Variants in NPC1L1 observed in about 807,000 individuals in gnomAD.
NPC1L1 encodes the protein NPC1 like intracellular cholesterol transporter 1.
A neutral mutation model predicts 117.0 loss-of-function variants in NPC1L1; 98 were observed. The observed-to-expected ratio is 0.84, with a 90% CI of 0.71 to 0.99. The LOEUF is 0.99. NPC1L1 is among the 50% of genes least tolerant of loss of function. NPC1L1 has a pLI of 0.00. For synonymous variants in NPC1L1, 729 were observed against 727.6 expected, an observed-to-expected ratio of 1.00 and a Z score of -0.03; for missense variants, 1,540 against 1,710.0, an observed-to-expected ratio of 0.90 and a Z score of 1.75.
rs1332693762 is a variant in NPC1L1, at chr7:44,534,805, T to A, written c.1984-176A>T. Among the ~76,000 whole-genome samples, 1 of 152,096 alleles carries A rather than the reference T, an allele frequency of 6.6e-6. No homozygotes were observed. The highest frequency in any genetic ancestry group is 1.9e-4 in the East Asian group (1 of 5,180). On this transcript the variant is annotated intron_variant, in intron 5 of 18. Coordinates refer to ENST00000381160, the MANE Select transcript of NPC1L1 (RefSeq NM_001101648.2). The surrounding 1 kb of genome is among the most constrained non-coding windows in gnomAD (Gnocchi z 5.2). ...ACATTAAAGCCCCTCTGCAGAGCCA[T>A]CCTCCCAAGGGGAGGTCCAGGAAAC...
At chr7:44,522,274 T>C (rs768307330) in intron 10 of NPC1L1, 32 bp from the exon 11 acceptor site, 20 of 1,595,904 alleles carry the variant, frequency 1.3e-5, no homozygotes, top group Non-Finnish European at 1.7e-5. Flanking sequence ...TGAGCTTTGG[T>C]TCGCTATGCA....
chr7:44,517,121 C>G, intron 15 of NPC1L1, 86 bp downstream of exon 15: 1 of 1,579,874 alleles, frequency 6.3e-7, no homozygotes, highest in Non-Finnish European at 8.7e-7. Flanking sequence ...TCATCTCATG[C>G]AACTCCTTGC....
chr7:44,516,006 A>G (rs774734220), intron 17 of NPC1L1, 41 bp from the exon 18 acceptor site: 1 of 1,570,386 alleles, frequency 6.4e-7, no homozygotes, highest in Non-Finnish European at 8.7e-7. Context: ...GGCACAGGGC[A>G]TCAGGCAGGG....
In NPC1L1 at chr7:44,531,815, C is replaced by A; in HGVS notation, c.2577G>T (p.Val859=). ...TGATGTGGCACATGGAGTAGAGGCTCACTCCGAACAGGGCGAGAAACAGCA... is the reference window on the plus strand; with the variant it reads ...TGATGTGGCACATGGAGTAGAGGCTAACTCCGAACAGGGCGAGAAACAGCA... ...VLLLFLALFG[V]SLYSMCHISV... is the part of the protein sequence containing the mutation. The change falls in exon 10 of 19, where the codon GTG becomes GTT. Residue 859 remains valine, a synonymous_variant. Coordinates refer to ENST00000381160, the MANE Select transcript of NPC1L1 (RefSeq NM_001101648.2). The A allele has an allele frequency of 1.9e-6, 3 of 1,589,026 alleles. No homozygotes were observed. Among genetic ancestry groups the A allele is most frequent in the East Asian group, 2.3e-5 (1 of 44,064 alleles).
chr7:44,516,614 G>A, intron 16 of NPC1L1, 89 bp downstream of exon 16: 1 of 1,109,688 alleles, frequency 9.0e-7, no homozygotes, highest in Non-Finnish European at 1.3e-6. Context: ...TCTAAAAAAA[G>A]AAACAAAAAA....
rs764090625 is a variant in NPC1L1, at chr7:44,539,788, G to A, written c.609C>T (p.Leu203=). The change falls in exon 2 of 19, where the codon CTC becomes CTT. Residue 203 remains leucine, a synonymous_variant. Transcript: ENST00000381160. This position sits in a 1 kb window ranked among gnomAD's most constrained non-coding sequence, Gnocchi z 4.4. ...GSALCNAQRW[L]NFQGDTGNGL... ...CATTGCCTGTGTCTCCCTGGAAGTT[G>A]AGCCAGCGCTGGGCATTGCAAAGGG... 5 of 1,614,074 alleles carry A rather than the reference G, an allele frequency of 3.1e-6. No individual in the cohort carries two copies. Among genetic ancestry groups the A allele is most frequent in the African/African-American group, 2.7e-5 (2 of 74,948 alleles).
chr7:44,535,794 G>A, intron 5 of NPC1L1, 46 bp downstream of exon 5: 1 of 1,611,102 alleles, frequency 6.2e-7, no homozygotes, highest in Non-Finnish European at 8.5e-7. Flanking sequence ...GAAGATGCCT[G>A]GGGTCCTGGG....
In NPC1L1 at chr7:44,512,545, C is replaced by A. The variant is rs1453782287; in HGVS notation, c.*902G>T. 1 of 152,262 alleles carries A rather than the reference C, an allele frequency of 6.6e-6. No homozygotes were observed. The highest frequency in any genetic ancestry group is 1.9e-4 in the East Asian group (1 of 5,200). The allele number at this position is 152,262 out of a possible 1,614,324, so 9.4% of individuals were successfully genotyped here. ...TGACATAAAACACCATTTCTGCCAA[C>A]AAATGTTTATTAAACACCTATGTGC... On this transcript the variant is annotated 3_prime_UTR_variant, in exon 19 of 19. Transcript: ENST00000381160.
Position 44,536,308 on chromosome 7 carries a change from C to G in NPC1L1, c.1802G>C (p.Arg601Pro), listed in dbSNP as rs767641944. Residue 601 changes from arginine (R) to proline (P), a missense_variant, in exon 4 of 19, where the codon CGA becomes CCA. Coordinates refer to ENST00000381160, the MANE Select transcript of NPC1L1 (RefSeq NM_001101648.2). This position sits in a 1 kb window ranked among gnomAD's most constrained non-coding sequence, Gnocchi z 4.7. ...LWEEAFLEEM[R>P]AFQRRMAGMF... ...GCCAGCCATCCGACGCTGGAAGGCTCGCATTTCCTCTAAGAAGGCCTCCTC... is the reference window on the plus strand; with the variant it reads ...GCCAGCCATCCGACGCTGGAAGGCTGGCATTTCCTCTAAGAAGGCCTCCTC... 3.1e-6 allele frequency: 5 copies of G among 1,614,232 alleles called. No individual in the cohort carries two copies. The Admixed American group carries it at 5.0e-5, about 16-fold the overall frequency.
At position 44,540,243 on chromosome 7, in the gene NPC1L1, G is replaced by C. The variant is rs1562573502; in HGVS notation, c.154C>G (p.Leu52Val). Residue 52 changes from leucine to valine, a missense_variant, in exon 2 of 19, where the codon CTC becomes GTC. Physicochemically the swap from Leu to Val is conservative, Grantham distance 32. Around this residue, in one of 3 missense-constraint regions of NPC1L1, gnomAD observed 793 missense variants for 820.4 expected, o/e 0.97. Coordinates refer to ENST00000381160, the MANE Select transcript of NPC1L1 (RefSeq NM_001101648.2). Reference protein sequence around the residue: ...NPELSGSLMTLSNVSCLSNTP... With the variant: ...NPELSGSLMTVSNVSCLSNTP... ...TTGGACAGGCAGGACACGTTGGAGA[G>C]TGTCATGAGGCTTCCAGACAGCTCT... The C allele has an allele frequency of 1.2e-6, 2 of 1,614,134 alleles. No homozygotes were observed. Among genetic ancestry groups the C allele is most frequent in the Non-Finnish European group, 8.5e-7 (1 of 1,180,038 alleles).
At chr7:44,535,729 T>C in intron 5 of NPC1L1, 111 bp downstream of exon 5, 1 of 1,476,104 alleles carries the variant, frequency 6.8e-7, no homozygotes. Flanking sequence ...CACTTGGGTG[T>C]GTCCACTTTG....
At chr7:44,525,570 A>G (rs1801489267) in intron 10 of NPC1L1, among the ~76,000 whole-genome samples, 1 of 152,112 alleles carries the variant, frequency 6.6e-6, no homozygotes, top group African/African-American at 2.4e-5. Context: ...ATTATAATTT[A>G]GCTGTCAAAA....
intron 8 of NPC1L1, chr7:44,533,179 G>A (rs1020401821): frequency 3.6e-5 from 15 of 415,004 alleles, no homozygotes; most frequent in African/African-American, 2.9e-4. Flanking sequence ...ATTGTTCAAG[G>A]GTCAACTGTA....
At position 44,515,967 on chromosome 7, in the gene NPC1L1, T is replaced by C; in HGVS notation, c.3634-2A>G. ...GGTCATGGCCACACCTGCAAACACC[T>C]GGGGGGTTCAGAGCCAGGTGTCAGG... is the stretch of plus-strand genomic sequence containing the variant. On this transcript the variant is annotated splice_acceptor_variant, in intron 17 of 18. Coordinates refer to ENST00000381160, the MANE Select transcript of NPC1L1 (RefSeq NM_001101648.2). LOFTEE classifies it high-confidence loss of function. 1 of 1,613,442 alleles carries C rather than the reference T, an allele frequency of 6.2e-7. No homozygotes were observed. Among genetic ancestry groups the C allele is most frequent in the Non-Finnish European group, 8.5e-7 (1 of 1,179,762 alleles).
intron 12 of NPC1L1, 70 bp downstream of exon 12, chr7:44,521,642 C>T: frequency 1.2e-6 from 2 of 1,611,976 alleles, no homozygotes; most frequent in East Asian, 2.2e-5. Context: ...CCTCTCCAGT[C>T]CTCTCCTTTC....
intron 14 of NPC1L1, among the ~76,000 whole-genome samples, chr7:44,520,505 G>A (rs915327814): frequency 6.6e-6 from 1 of 152,198 alleles, no homozygotes; most frequent in Non-Finnish European, 1.5e-5. Flanking sequence ...CTTAGCCAGG[G>A]TGTGGAGAAC....
At chr7:44,532,749 G>T (rs1397761962) in intron 8 of NPC1L1, among the ~76,000 whole-genome samples, 1 of 152,058 alleles carries the variant, frequency 6.6e-6, no homozygotes, top group Non-Finnish European at 1.5e-5. Context: ...ATGTGTTATC[G>T]ACTATTTATG....
intron 12 of NPC1L1, among the ~76,000 whole-genome samples, chr7:44,521,405 G>A (rs1359071118): frequency 6.6e-6 from 1 of 152,206 alleles, no homozygotes; most frequent in East Asian, 1.9e-4. Flanking sequence ...AGGGCCATGT[G>A]CTAACCTCAG....
intron 14 of NPC1L1, among the ~76,000 whole-genome samples, chr7:44,519,517 A>C (rs772738246): frequency 1.3e-5 from 2 of 152,184 alleles, no homozygotes; most frequent in African/African-American, 2.4e-5. Flanking sequence ...TCATAGCTGG[A>C]AGGGTGGGGT....
Sources: allele counts gnomAD v4.1 joint callset (sites outside exome capture counted in the v4.1 genomes callset), GRCh38; gene constraint gnomAD v4.1.1; regional missense constraint gnomAD v4.1.1; non-coding constraint Gnocchi (gnomAD v3.1); transcripts MANE v1.5; gene names NCBI Gene and HGNC (gene_info 2026-07-23, HGNC 2026-07-21).